Variants in NDUFS4 observed in about 807,000 individuals in gnomAD.
NDUFS4 encodes the protein NADH dehydrogenase [ubiquinone] iron-sulfur protein 4, mitochondrial.
In NDUFS4, 28 loss-of-function variants were observed where a neutral mutation model predicts 24.3. That is an observed-to-expected ratio of 1.15 (90% CI 0.85 to 1.58). The LOEUF is 1.58. Ranked by LOEUF, NDUFS4 falls within the 40% of genes most tolerant of loss-of-function variation. The pLI is 0.00. For missense variants in NDUFS4, 223 were observed against 207.9 expected, an observed-to-expected ratio of 1.07 and a Z score of -0.45; for synonymous variants, 93 against 69.7, an observed-to-expected ratio of 1.34 and a Z score of -1.67.
chr5:53,619,379 A>C lies in NDUFS4; in HGVS notation c.177+15849A>C, dbSNP rs528876199. Among the ~76,000 whole-genome samples the C allele has an allele frequency of 5.0e-4, 72 of 144,814 alleles. No homozygotes were observed. In the South Asian group the frequency reaches 0.016, roughly 32 times the overall value. On this transcript the variant is annotated intron_variant, in intron 2 of 4. Coordinates refer to ENST00000296684, the MANE Select transcript of NDUFS4 (RefSeq NM_002495.4). ...GTGGCGGGTGCTTGTAGTCCCAGCT[A>C]CTTGGGAGGCTGAGGCAGAATCGCT...
At chr5:53,679,717 G>C (rs1347951301) in intron 4 of NDUFS4, among the ~76,000 whole-genome samples, 1 of 152,096 alleles carries the variant, frequency 6.6e-6, no homozygotes, top group African/African-American at 2.4e-5. Flanking sequence ...CTATTTCCTA[G>C]ATATTTGAGT....
At chr5:53,667,076 A>T (rs1752534864) in intron 4 of NDUFS4, among the ~76,000 whole-genome samples, 1 of 152,318 alleles carries the variant, frequency 6.6e-6, no homozygotes, top group South Asian at 2.1e-4. Flanking sequence ...TATTTATTTA[A>T]CATGTAGCAT....
intron 1 of NDUFS4, 92 bp downstream of exon 1, chr5:53,560,852 G>A: frequency 5.6e-6 from 9 of 1,593,166 alleles, no homozygotes; most frequent in Non-Finnish European, 7.7e-6. Context: ...AGGCCTCGGG[G>A]AAGGCGTCCT....
chr5:53,629,332 G>T (rs1751328520), intron 2 of NDUFS4, among the ~76,000 whole-genome samples: 1 of 152,174 alleles, frequency 6.6e-6, no homozygotes, highest in Non-Finnish European at 1.5e-5. Context: ...GTGCGATGTG[G>T]TGCTGAGAAG....
At chr5:53,654,910 T>C (rs1752121754) in intron 3 of NDUFS4, among the ~76,000 whole-genome samples, 1 of 152,208 alleles carries the variant, frequency 6.6e-6, no homozygotes, top group Non-Finnish European at 1.5e-5. Context: ...TCATTGAAAT[T>C]CACAAATGGT....
intron 2 of NDUFS4, among the ~76,000 whole-genome samples, chr5:53,627,796 C>T (rs1478682973): frequency 2.6e-5 from 4 of 151,954 alleles, no homozygotes; most frequent in African/African-American, 7.2e-5. Context: ...GACCATGGTA[C>T]TTTCATGATA....
chr5:53,606,567 G>T (rs930941689), intron 2 of NDUFS4, among the ~76,000 whole-genome samples: 1 of 152,172 alleles, frequency 6.6e-6, no homozygotes, highest in African/African-American at 2.4e-5. Context: ...GTTTCACCCT[G>T]TTGGCCAGGC....
intron 2 of NDUFS4, among the ~76,000 whole-genome samples, chr5:53,643,638 A>T (rs1751764306): frequency 1.3e-5 from 2 of 152,158 alleles, no homozygotes; most frequent in Admixed American, 6.6e-5. Flanking sequence ...TGAAATGATA[A>T]CAATAGGGTG....
At chr5:53,563,236 C>CAAAAAAAAAAAA (rs906204561) in intron 1 of NDUFS4, among the ~76,000 whole-genome samples, 3 of 105,070 alleles carry the variant, frequency 2.9e-5, no homozygotes, top group Non-Finnish European at 3.7e-5. Context: ...CTCAAAAAAA[C>CAAAAAAAAAAAA]AAAAAAAAAA....
intron 1 of NDUFS4, among the ~76,000 whole-genome samples, chr5:53,602,078 G>T (rs1750341116): frequency 6.6e-6 from 1 of 152,106 alleles, no homozygotes; most frequent in African/African-American, 2.4e-5. Flanking sequence ...GCTACTTACT[G>T]CATTTAGAAA....
intron 2 of NDUFS4, among the ~76,000 whole-genome samples, chr5:53,623,850 C>CT (rs2112481192): frequency 6.6e-6 from 1 of 152,272 alleles, no homozygotes; most frequent in African/African-American, 2.4e-5. Context: ...TCCTGAGTAG[C>CT]TGGGACTACA....
At chr5:53,675,364 T>G (rs549803960) in intron 4 of NDUFS4, among the ~76,000 whole-genome samples, 72 of 151,876 alleles carry the variant, frequency 4.7e-4, no homozygotes, top group Middle Eastern at 3.4e-3. Context: ...GGGTTTCACC[T>G]TGTTAGCCAG....
rs438962 is a variant in NDUFS4 at position 53,613,899 on chromosome 5, T to C, written c.177+10369T>C. 3.0e-3 allele frequency among the ~76,000 whole-genome samples: 461 copies of C among 152,130 alleles called. 2 individuals carry two copies. Among genetic ancestry groups the C allele is most frequent in the African/African-American group, 0.011 (449 of 41,552 alleles). On this transcript the variant is annotated intron_variant, in intron 2 of 4. Transcript: ENST00000296684. ...GACTTCTTGAAGCTAGAAGGAAAGC[T>C]CTTCTTTTTGTACTTTTTGTGTAAG...
chr5:53,624,580 C>A (rs1418812234), intron 2 of NDUFS4, among the ~76,000 whole-genome samples: 5 of 152,130 alleles, frequency 3.3e-5, no homozygotes, highest in African/African-American at 4.8e-5. Flanking sequence ...GTATTACATT[C>A]TTTTCTATGC....
At chr5:53,619,264 C>T (rs112107954) in intron 2 of NDUFS4, among the ~76,000 whole-genome samples, 60 of 149,886 alleles carry the variant, frequency 4.0e-4, no homozygotes, top group African/African-American at 1.3e-3. Flanking sequence ...AGTTCAAGAC[C>T]AGCTTGGCCA....
At chr5:53,639,244 C>T (rs1751639373) in intron 2 of NDUFS4, among the ~76,000 whole-genome samples, 1 of 151,464 alleles carries the variant, frequency 6.6e-6, no homozygotes, top group African/African-American at 2.4e-5. Context: ...AATTTTAATA[C>T]TTAGCAATTG....
chr5:53,566,440 T>A (rs1017997236), intron 1 of NDUFS4, among the ~76,000 whole-genome samples: 15 of 152,188 alleles, frequency 9.9e-5, no homozygotes, highest in African/African-American at 3.6e-4. Context: ...GTGCCAAGGA[T>A]TTCACCTGTA....
chr5:53,587,452 A>G (rs1749799565), intron 1 of NDUFS4, among the ~76,000 whole-genome samples: 1 of 152,170 alleles, frequency 6.6e-6, no homozygotes, highest in African/African-American at 2.4e-5. Context: ...TATTTTGCAT[A>G]TATATGTATA....
intron 4 of NDUFS4, among the ~76,000 whole-genome samples, chr5:53,682,661 A>G (rs966238115): frequency 1.6e-4 from 24 of 152,198 alleles, no homozygotes; most frequent in Non-Finnish European, 2.6e-4. Flanking sequence ...ACACACGTAC[A>G]TATATATACG....
Sources: gnomAD v4.1 joint callset for allele counts (sites outside exome capture counted in the v4.1 genomes callset) on GRCh38, gnomAD v4.1.1 for gene constraint, MANE v1.5 for transcripts, NCBI Gene and HGNC (gene_info 2026-07-23, HGNC 2026-07-21) for gene names.